Variants in MCM3AP observed in about 807,000 individuals in gnomAD.
MCM3AP encodes minichromosome maintenance complex component 3 associated protein, also known as germinal-center associated nuclear protein.
A neutral mutation model predicts 184.1 loss-of-function variants in MCM3AP; 126 were observed. The observed-to-expected ratio is 0.68, with a 90% confidence interval of 0.59 to 0.79. The LOEUF is 0.79. MCM3AP is among the 30% of genes least tolerant of loss of function. The probability of loss-of-function intolerance (pLI) is 0.00; values close to 1 mark genes in which losing one functional copy is unlikely to be tolerated. For synonymous variants in MCM3AP, 1,002 were observed against 979.3 expected (o/e 1.02, Z -0.43); for missense variants, 2,496 against 2,479.2 (o/e 1.01, Z -0.14).
chr21:46,268,316 T>A (rs1001183203), intron 9 of MCM3AP, among the ~76,000 whole-genome samples: 1 of 152,234 alleles, frequency 6.6e-6, no homozygotes, highest in Non-Finnish European at 1.5e-5. Flanking sequence ...CCTCTTCCGA[T>A]GTTCTTTAAT....
chr21:46,264,925 T>C lies in MCM3AP; in HGVS notation c.3234+396A>G, dbSNP rs8130674. Among the ~76,000 whole-genome samples, 529 of 148,490 alleles carry C rather than the reference T, an allele frequency of 3.6e-3. 5 individuals carry two copies. Among genetic ancestry groups the C allele is most frequent in the African/African-American group, 0.012 (488 of 39,678 alleles). ...CACACCCACACTCAGTCCATGCATA[T>C]TGGGGTCCCATCAGGGGGACATGCC... On this transcript the variant is annotated intron_variant, in intron 12 of 27. Transcript: ENST00000291688.
chr21:46,283,707 T>G lies in MCM3AP; in HGVS notation c.1351A>C (p.Ile451Leu). The change falls in exon 2 of 28, where the codon ATT becomes CTT. Residue 451 changes from isoleucine (I) to leucine (L), a missense_variant. By Grantham distance (5) the Ile-to-Leu change is conservative (BLOSUM62 2). This residue lies in a region of MCM3AP where 800 missense variants were observed against 717.1 expected (regional missense o/e 1.12). Transcript: ENST00000291688. ...ATTTTGCCAAAATGGTTCTCCAGAA[T>G]GGTCCTGTCGTTGAGGTAGTCAGGG... is the stretch of plus-strand genomic sequence containing the variant. ...NIPDYLNDRT[I>L]LENHFGKIAK... The G allele has an allele frequency of 6.2e-7, 1 of 1,614,144 alleles. No homozygotes were observed. Among genetic ancestry groups the G allele is most frequent in the Non-Finnish European group, 8.5e-7 (1 of 1,179,968 alleles).
chr21:46,272,773 GC>G lies in MCM3AP; in HGVS notation c.2252del (p.Cys751SerfsTer29), dbSNP rs752881737. The stretch of plus-strand genomic sequence containing the variant: ...GGGCACAGTGGATGTGAAACCGGGT[GC>G]ACTTCTCAATCAGGGACACCGTCAG... ...DPLTVSLIEK[C>X]TRFHIHCAHF... is the part of the protein sequence containing the mutation. On this transcript the variant is annotated frameshift_variant, in exon 8 of 28. Coordinates refer to ENST00000291688, the MANE Select transcript of MCM3AP (RefSeq NM_003906.5). LOFTEE classifies it high-confidence loss of function. 6.2e-7 allele frequency: 1 copy of G among 1,613,210 alleles called. No homozygotes were observed.
rs1316974099 is a variant in MCM3AP, at chr21:46,238,157, C to T, written c.5634-1178G>A. On this transcript the variant is annotated intron_variant, in intron 26 of 27. Coordinates refer to ENST00000291688, the MANE Select transcript of MCM3AP (RefSeq NM_003906.5). ...TTCCCTTTAATTTATAAATCCAATTCCAATTTATATTTAATGAAAAAGGTG... is the reference window on the plus strand; with the variant it reads ...TTCCCTTTAATTTATAAATCCAATTTCAATTTATATTTAATGAAAAAGGTG... Among the ~76,000 whole-genome samples the T allele has an allele frequency of 6.0e-5, 7 of 116,988 alleles. 2 individuals are homozygous for T. Among genetic ancestry groups the T allele is most frequent in the Non-Finnish European group, 3.6e-5 (2 of 55,872 alleles). The allele number at this position is 116,988 out of a possible 152,430, so 76.7% of individuals were successfully genotyped here. A position where few individuals can be genotyped will look rare whatever the true frequency, so the allele number is the denominator to read the frequency against.
At chr21:46,279,879 T>G in intron 4 of MCM3AP, 114 bp downstream of exon 4, 1 of 990,912 alleles carries the variant, frequency 1.0e-6, no homozygotes, top group Non-Finnish European at 1.4e-6. Context: ...CCCTAGCAAC[T>G]GGCTTTTGTC....
At position 46,257,052 on chromosome 21, in the gene MCM3AP, A is replaced by G. The variant is rs1397633032; in HGVS notation, c.3735-66T>C. The G allele has an allele frequency of 2.6e-6, 4 of 1,539,168 alleles. No individual in the cohort carries two copies. In the East Asian group the frequency reaches 9.6e-5, roughly 37 times the overall value. ...GTCTTCAAACTGAGAAACACATTGC[A>G]GTCAGAACTCAGGCATGGGGAAGGA... On this transcript the variant is annotated intron_variant, in intron 16 of 27. Coordinates refer to ENST00000291688, the MANE Select transcript of MCM3AP (RefSeq NM_003906.5).
Position 46,284,517 on chromosome 21 carries a change from G to T in MCM3AP, c.770C>A (p.Ala257Glu). ...AGCCTGGAAAGGTTCGCCCAAAACC[G>T]CAGATGATACAGGGAAGCTACTGAA... ...NSFSSFPVSS[A>E]VLGEPFQASK... The change falls in exon 1 of 28, where the codon GCG becomes GAG. Residue 257 changes from alanine (A) to glutamate (E), a missense_variant. Physicochemically the swap from Ala to Glu is moderately radical, Grantham distance 107 (BLOSUM62 -1). Coordinates refer to ENST00000291688, the MANE Select transcript of MCM3AP (RefSeq NM_003906.5). 1 of 1,614,148 alleles carries T rather than the reference G, an allele frequency of 6.2e-7. No individual in the cohort carries two copies. The highest frequency in any genetic ancestry group is 1.1e-5 in the South Asian group (1 of 91,082).
chr21:46,257,519 C>T (rs2080975101), intron 16 of MCM3AP, among the ~76,000 whole-genome samples: 1 of 151,508 alleles, frequency 6.6e-6, no homozygotes, highest in Non-Finnish European at 1.5e-5. Flanking sequence ...ATCCCTTGAC[C>T]CACAGCCACC....
In MCM3AP at chr21:46,244,936, C is replaced by CA; in HGVS notation, c.4908dup (p.Glu1637Ter). On this transcript the variant is annotated frameshift_variant, in exon 23 of 28. Coordinates refer to ENST00000291688, the MANE Select transcript of MCM3AP (RefSeq NM_003906.5). LOFTEE classifies it high-confidence loss of function. The stretch of plus-strand genomic sequence containing the variant: ...CGGCTGCCCCCTGCCTCAGCAAACT[C>CA]AGTGACAGGCCAGGACAGGTCACAC... 6.2e-7 allele frequency: 1 copy of CA among 1,614,236 alleles called. No individual in the cohort carries two copies. Among genetic ancestry groups the CA allele is most frequent in the Non-Finnish European group, 8.5e-7 (1 of 1,180,050 alleles).
At chr21:46,270,241 A>G in intron 9 of MCM3AP, 160 bp downstream of exon 9, 1 of 630,954 alleles carries the variant, frequency 1.6e-6, no homozygotes, top group Non-Finnish European at 2.7e-6. Context: ...TAACCCCTAT[A>G]AAACAGGGCA....
At chr21:46,241,908 G>A (rs997422423) in intron 25 of MCM3AP, 2 of 152,228 alleles carry the variant, frequency 1.3e-5, no homozygotes. Context: ...GAGTATCATG[G>A]AGTTGGAGAA....
At chr21:46,263,050 C>T (rs1269495884) in intron 13 of MCM3AP, among the ~76,000 whole-genome samples, 1 of 151,062 alleles carries the variant, frequency 6.6e-6, no homozygotes, top group Non-Finnish European at 1.5e-5. Flanking sequence ...CTCAACAAGG[C>T]CAGGTGCGGT....
At position 46,284,465 on chromosome 21, in the gene MCM3AP, A is replaced by G. The variant is rs778910707; in HGVS notation, c.822T>C (p.Cys274=). Residue 274 remains cysteine (C), a synonymous_variant, in exon 1 of 28, where the codon TGT becomes TGC. Coordinates refer to ENST00000291688, the MANE Select transcript of MCM3AP (RefSeq NM_003906.5). ...QASKAGVRQG[C]EEAVSQVEPL... is the part of the protein sequence containing the mutation. The stretch of plus-strand genomic sequence containing the variant: ...GTTCCACCTGGGAAACAGCTTCTTC[A>G]CACCCCTGCCTGACACCTGCTTTGC... 21 of 1,614,088 alleles carry G rather than the reference A, an allele frequency of 1.3e-5. No homozygotes were observed. Among genetic ancestry groups the G allele is most frequent in the East Asian group, 4.5e-5 (2 of 44,880 alleles).
intron 20 of MCM3AP, 164 bp downstream of exon 20, chr21:46,251,365 T>A (rs2080865005): frequency 6.7e-6 from 3 of 447,462 alleles, no homozygotes; most frequent in Non-Finnish European, 7.3e-6. Flanking sequence ...TTAAAAAAAT[T>A]TTTTAAACGA....
rs559155265 is a variant in MCM3AP at position 46,235,338 on chromosome 21, C to T, written c.5873G>A (p.Arg1958Gln). ...ERLKHLERLI[R>Q]SSREEEVASE... ...GGCAACTTCCTCTTCCCTTGAACTC[C>T]GGATCAGCCTTTCCAGGTGCTTTAG... The change falls in exon 28 of 28, where the codon CGG becomes CAG. Residue 1958 changes from arginine (R) to glutamine (Q), a missense_variant. Arg to Gln is a conservative substitution (Grantham distance 43). This residue lies in a region of MCM3AP where 1,323 missense variants were observed against 1,273.4 expected (regional missense o/e 1.04). Transcript: ENST00000291688. 68 of 1,614,166 alleles carry T rather than the reference C, an allele frequency of 4.2e-5. No individual in the cohort carries two copies. Among genetic ancestry groups the T allele is most frequent in the Non-Finnish European group, 5.1e-5 (60 of 1,180,018 alleles).
Position 46,254,465 on chromosome 21 carries a change from G to A in MCM3AP, c.4063C>T (p.Gln1355Ter). 1 of 1,614,086 alleles carries A rather than the reference G, an allele frequency of 6.2e-7. No homozygotes were observed. Among genetic ancestry groups the A allele is most frequent in the Non-Finnish European group, 8.5e-7 (1 of 1,179,988 alleles). Reference sequence around the variant, plus strand: ...ACCAGCTTCCAAAACACATGCTCCTGCCTCCCAGGGAGGTGCTCAGCCACG... The same window carrying A: ...ACCAGCTTCCAAAACACATGCTCCTACCTCCCAGGGAGGTGCTCAGCCACG... ...SLVAEHLPGR[Q>*]EHVFWKLVLV... The change falls in exon 19 of 28, where the codon CAG becomes TAG. Residue 1355 changes from glutamine (Q) to a stop codon, truncating the protein, a stop_gained. Coordinates refer to ENST00000291688, the MANE Select transcript of MCM3AP (RefSeq NM_003906.5). LOFTEE classifies it high-confidence loss of function.
Position 46,243,488 on chromosome 21 carries a change from G to T in MCM3AP, c.5273C>A (p.Pro1758His), listed in dbSNP as rs1265629583. The change falls in exon 24 of 28, where the codon CCC becomes CAC. Residue 1758 changes from proline (P) to histidine (H), a missense_variant. This residue lies in a region of MCM3AP where 1,323 missense variants were observed against 1,273.4 expected (regional missense o/e 1.04). Coordinates refer to ENST00000291688, the MANE Select transcript of MCM3AP (RefSeq NM_003906.5). ...ACCTGATGTAACAGGAAGCCGGGGG[G>T]GCGTCCAGTCTCTCAGCTTGTGGTT... ...CINHKLRDWT[P>H]PRLPVTSEAL... The T allele has an allele frequency of 1.2e-6, 2 of 1,612,180 alleles. No individual in the cohort carries two copies. Among genetic ancestry groups the T allele is most frequent in the African/African-American group, 2.7e-5 (2 of 75,006 alleles).
Position 46,243,609 on chromosome 21 carries a change from A to G in MCM3AP, c.5152T>C (p.Tyr1718His). The change falls in exon 24 of 28, where the codon TAC (tyrosine) becomes CAC (histidine). Residue 1718 changes from tyrosine to histidine, a missense_variant. Tyr to His is a moderately conservative substitution (Grantham distance 83, BLOSUM62 2). This residue lies in a region of MCM3AP where 1,323 missense variants were observed against 1,273.4 expected (regional missense o/e 1.04). Transcript: ENST00000291688. ...SQVENLLHRT[Y>H]CRWKSKSPSP... ...GGACTCTTGCTCTTCCACCTACAGT[A>G]GGTTCTGTGGAGCAGGTTCTCCACC... is the stretch of plus-strand genomic sequence containing the variant. 6.2e-7 allele frequency: 1 copy of G among 1,614,212 alleles called. No individual in the cohort carries two copies. The highest frequency in any genetic ancestry group is 1.3e-5 in the African/African-American group (1 of 75,058).
In MCM3AP at chr21:46,255,840, G is replaced by A. The variant is rs913471508; in HGVS notation, c.3932+949C>T. Among the ~76,000 whole-genome samples the A allele has an allele frequency of 2.8e-4, 43 of 152,038 alleles. 1 individual carries two copies. Among genetic ancestry groups the A allele is most frequent in the Admixed American group, 2.4e-3 (36 of 15,282 alleles). Reference sequence around the variant, plus strand: ...GACTGAGGCTGACAAGGGCAGCTACGGAGGGGGGACACAAGAAGCCATGAC... The same window carrying A: ...GACTGAGGCTGACAAGGGCAGCTACAGAGGGGGGACACAAGAAGCCATGAC... On this transcript the variant is annotated intron_variant, in intron 17 of 27. Coordinates refer to ENST00000291688, the MANE Select transcript of MCM3AP (RefSeq NM_003906.5).
Sources: allele counts gnomAD v4.1 joint callset (sites outside exome capture counted in the v4.1 genomes callset), GRCh38; gene constraint gnomAD v4.1.1; regional missense constraint gnomAD v4.1.1; transcripts MANE v1.5; gene names NCBI Gene and HGNC (gene_info 2026-07-23, HGNC 2026-07-21).